DTD1: variants seen among roughly 807,000 people sequenced by gnomAD.
DTD1 encodes D-aminoacyl-tRNA deacylase 1, also known as D-tyrosyl-tRNA deacylase 1 homolog.
Under a neutral mutation model 25.6 loss-of-function variants are expected in DTD1, and 13 were observed. The observed-to-expected ratio is 0.51, with a 90% CI of 0.33 to 0.81. DTD1 has a LOEUF of 0.81. DTD1 is among the 30% of genes least tolerant of loss of function. DTD1 has a pLI of 0.02. For synonymous variants in DTD1, 110 were observed against 103.6 expected (o/e 1.06, Z -0.37); for missense variants, 193 against 266.4 (o/e 0.72, Z 1.92).
chr20:18,690,414 T>C (rs550002906), intron 4 of DTD1, among the ~76,000 whole-genome samples: 1 of 152,336 alleles, frequency 6.6e-6, no homozygotes, highest in Non-Finnish European at 1.5e-5. Flanking sequence ...CCAAATTCTC[T>C]AGCAAAGCTT....
At chr20:18,691,190 G>A (rs1017479068) in intron 4 of DTD1, among the ~76,000 whole-genome samples, 15 of 152,196 alleles carry the variant, frequency 9.9e-5, no homozygotes, top group Non-Finnish European at 1.5e-5. Context: ...AGCCACTGTG[G>A]AAAGCAGTTT....
intron 3 of DTD1, among the ~76,000 whole-genome samples, chr20:18,620,682 G>A (rs1045927587): frequency 1.3e-5 from 2 of 151,756 alleles, no homozygotes; most frequent in African/African-American, 4.8e-5. Flanking sequence ...GTAGCCTTGA[G>A]CTCCTGGGCT....
intron 3 of DTD1, among the ~76,000 whole-genome samples, chr20:18,615,443 G>T (rs2060705659): frequency 1.3e-5 from 2 of 152,192 alleles, no homozygotes; most frequent in East Asian, 1.9e-4. Context: ...TGGGTCACTT[G>T]TATCCTCAAC....
intron 4 of DTD1, among the ~76,000 whole-genome samples, chr20:18,656,328 G>A (rs2060891463): frequency 6.6e-6 from 1 of 152,184 alleles, no homozygotes; most frequent in East Asian, 1.9e-4. Context: ...AGAAATGCTA[G>A]TTGTCACAGC....
intron 4 of DTD1, among the ~76,000 whole-genome samples, chr20:18,657,487 C>A (rs775624536): frequency 5.3e-5 from 8 of 152,208 alleles, no homozygotes; most frequent in Non-Finnish European, 8.8e-5. Context: ...GAGATAGCAC[C>A]TCTAACCTTA....
intron 4 of DTD1, among the ~76,000 whole-genome samples, chr20:18,634,016 G>C (rs2060798164): frequency 6.6e-6 from 1 of 152,218 alleles, no homozygotes; most frequent in Non-Finnish European, 1.5e-5. Flanking sequence ...TTTCCAAAGG[G>C]AACAGGACAT....
chr20:18,673,819 T>C (rs983863623), intron 4 of DTD1, among the ~76,000 whole-genome samples: 3 of 152,050 alleles, frequency 2.0e-5, no homozygotes, highest in Non-Finnish European at 4.4e-5. Flanking sequence ...TCTCTATAAA[T>C]TGTGTGGTGG....
At chr20:18,735,648 GT>G (rs1403899458) in intron 4 of DTD1, among the ~76,000 whole-genome samples, 4 of 152,206 alleles carry the variant, frequency 2.6e-5, no homozygotes, top group African/African-American at 9.6e-5. Flanking sequence ...AAGATTTCAA[GT>G]TATGTGCATG....
intron 4 of DTD1, among the ~76,000 whole-genome samples, chr20:18,691,806 G>T (rs1489493486): frequency 6.6e-6 from 1 of 152,156 alleles, no homozygotes; most frequent in African/African-American, 2.4e-5. Flanking sequence ...CACCTGGCTA[G>T]TGGCTACCAT....
chr20:18,681,908 A>G lies in DTD1; in HGVS notation c.477+53675A>G, dbSNP rs888883635. Reference sequence around the variant, plus strand: ...ATTTTTCTTATTCTTACTTGACTCAAAAGTTAACGATTTAAACCAATCATA... The same window carrying G: ...ATTTTTCTTATTCTTACTTGACTCAGAAGTTAACGATTTAAACCAATCATA... On this transcript the variant is annotated intron_variant, in intron 4 of 5. Transcript: ENST00000377452. Among the ~76,000 whole-genome samples the G allele has an allele frequency of 3.1e-4, 47 of 152,244 alleles. 3 individuals are homozygous for G. The highest frequency in any genetic ancestry group is 1.3e-4 in the Non-Finnish European group (9 of 68,048).
chr20:18,732,071 T>A (rs2061240610), intron 4 of DTD1, among the ~76,000 whole-genome samples: 1 of 152,250 alleles, frequency 6.6e-6, no homozygotes, highest in Admixed American at 6.5e-5. Context: ...TCTTCTAGGT[T>A]CCATGTCTTC....
chr20:18,602,963 A>C (rs1225828255), intron 3 of DTD1, among the ~76,000 whole-genome samples: 2 of 113,832 alleles, frequency 1.8e-5, no homozygotes, highest in South Asian at 5.8e-4. Context: ...TTCTCCAATT[A>C]AAAGACACAG....
At chr20:18,743,832 G>T (rs1024850905) in intron 4 of DTD1, among the ~76,000 whole-genome samples, 1 of 152,152 alleles carries the variant, frequency 6.6e-6, no homozygotes, top group Non-Finnish European at 1.5e-5. Flanking sequence ...TGGCATGACC[G>T]CTCCCTCATA....
chr20:18,631,048 C>T lies in DTD1; in HGVS notation c.477+2815C>T. The T allele has an allele frequency of 3.0e-6, 3 of 985,372 alleles. 1 individual carries two copies. The highest frequency in any genetic ancestry group is 1.2e-6 in the Non-Finnish European group (1 of 829,892). 61.0% of individuals were successfully genotyped at this position (985,372 alleles called of 1,614,324 possible). The stretch of plus-strand genomic sequence containing the variant: ...CCTCCATGTTAGATGAAGTGCTAAC[C>T]TCTTTCCCCTTGTCTGTCCTCTGGC... On this transcript the variant is annotated intron_variant, in intron 4 of 5. Coordinates refer to ENST00000377452, the MANE Select transcript of DTD1 (RefSeq NM_080820.6).
Position 18,631,266 on chromosome 20 carries a change from GC to G in DTD1, c.477+3037del, listed in dbSNP as rs2060786508. Reference sequence around the variant, plus strand: ...GCCCAGTGTAAAATGAAAATGTGGGGCCCCTTGTTCAAAAAATATTACAAAT... The same window carrying G: ...GCCCAGTGTAAAATGAAAATGTGGGGCCCTTGTTCAAAAAATATTACAAAT... On this transcript the variant is annotated intron_variant, in intron 4 of 5. Coordinates refer to ENST00000377452, the MANE Select transcript of DTD1 (RefSeq NM_080820.6). 1.9e-5 allele frequency: 19 copies of G among 984,838 alleles called. No individual in the cohort carries two copies. The South Asian group carries it at 8.0e-4, about 41-fold the overall frequency. The allele number at this position is 984,838 out of a possible 1,614,324, so 61.0% of individuals were successfully genotyped here.
intron 3 of DTD1, among the ~76,000 whole-genome samples, chr20:18,601,946 G>C (rs1326628605): frequency 2.0e-5 from 3 of 148,388 alleles, no homozygotes; most frequent in Non-Finnish European, 3.0e-5. Flanking sequence ...CGAGCTGAGA[G>C]AAGAAGGCTT....
chr20:18,765,910 T>G lies in DTD1; in HGVS notation c.*2570T>G, dbSNP rs537701531. On this transcript the variant is annotated 3_prime_UTR_variant, in exon 6 of 6. Transcript: ENST00000377452. ...CATGTATGGCTTTTCTGAGAAGCCT[T>G]GGCAGATCACAGACCCAGGACTTTA... 7.9e-5 allele frequency: 12 copies of G among 152,380 alleles called. No homozygotes were observed. Among genetic ancestry groups the G allele is most frequent in the African/African-American group, 2.9e-4 (12 of 41,574 alleles). The allele number at this position is 152,380 out of a possible 1,614,324, so 9.4% of individuals were successfully genotyped here.
chr20:18,683,307 C>T (rs970756778), intron 4 of DTD1, among the ~76,000 whole-genome samples: 4 of 152,164 alleles, frequency 2.6e-5, no homozygotes, highest in African/African-American at 9.7e-5. Context: ...TTCTGCGTGA[C>T]CATTTCCATT....
At chr20:18,686,312 A>G (rs564815396) in intron 4 of DTD1, among the ~76,000 whole-genome samples, 4 of 152,350 alleles carry the variant, frequency 2.6e-5, no homozygotes, top group South Asian at 2.1e-4. Context: ...TTAAAAACCA[A>G]TCTCCTATTG....
Sources: allele counts gnomAD v4.1 joint callset (sites outside exome capture counted in the v4.1 genomes callset), GRCh38; gene constraint gnomAD v4.1.1; transcripts MANE v1.5; gene names NCBI Gene and HGNC (gene_info 2026-07-23, HGNC 2026-07-21).